Variants in XKR6 observed in about 807,000 individuals in gnomAD.
XKR6 encodes the protein XK related 6.
XKR6 carries 22 observed loss-of-function variants against 56.7 expected under a neutral mutation model. The observed-to-expected ratio is 0.39, with a 90% CI of 0.28 to 0.55. The LOEUF (loss-of-function observed/expected upper bound fraction) is 0.55. XKR6 is among the 20% of genes least tolerant of loss of function. The pLI is 0.66. For missense variants in XKR6, 852 were observed against 889.0 expected (o/e 0.96, Z 0.53); for synonymous variants, 524 against 387.8 (o/e 1.35, Z -4.13).
chr8:11,058,706 G>C (rs1230978587), intron 1 of XKR6, among the ~76,000 whole-genome samples: 1 of 152,144 alleles, frequency 6.6e-6, no homozygotes, highest in Non-Finnish European at 1.5e-5. Flanking sequence ...GTCAAGTCGA[G>C]GGAGAGCATT....
chr8:11,195,022 CT>C, intron 1 of XKR6: 1 of 615,554 alleles, frequency 1.6e-6, no homozygotes, highest in East Asian at 2.9e-5. Context: ...AGAAATAAAT[CT>C]TTAGAGATGT....
At chr8:11,053,240 T>C (rs1055735255) in intron 1 of XKR6, among the ~76,000 whole-genome samples, 1 of 152,210 alleles carries the variant, frequency 6.6e-6, no homozygotes, top group Non-Finnish European at 1.5e-5. Context: ...TTAAAAAACA[T>C]AGATGGCAAG....
chr8:11,168,290 T>C (rs147759743), intron 1 of XKR6, among the ~76,000 whole-genome samples: 115 of 152,326 alleles, frequency 7.5e-4, no homozygotes, highest in African/African-American at 2.6e-3. Context: ...TTAATATCAA[T>C]ATGTTGTTGA....
chr8:11,053,059 A>G (rs1799595208), intron 1 of XKR6, among the ~76,000 whole-genome samples: 1 of 152,082 alleles, frequency 6.6e-6, no homozygotes, highest in African/African-American at 2.4e-5. Flanking sequence ...TGACCCCCCC[A>G]CGCGCCACCC....
chr8:10,945,300 A>G (rs1801502224), intron 1 of XKR6, among the ~76,000 whole-genome samples: 2 of 152,234 alleles, frequency 1.3e-5, no homozygotes, highest in South Asian at 4.1e-4. Flanking sequence ...CCTGGTCAAC[A>G]TGGTGAAACC....
At chr8:11,155,216 G>C (rs956165069) in intron 1 of XKR6, among the ~76,000 whole-genome samples, 7 of 152,168 alleles carry the variant, frequency 4.6e-5, no homozygotes, top group Admixed American at 4.6e-4. Flanking sequence ...AAGCCTTACT[G>C]TCTTGCTTCA....
intron 1 of XKR6, among the ~76,000 whole-genome samples, chr8:10,995,588 T>G (rs1268967709): frequency 6.7e-6 from 1 of 150,134 alleles, no homozygotes. Context: ...CTTGGGAAGC[T>G]GAGGTAGGAG....
At chr8:11,107,438 G>A (rs1405299192) in intron 1 of XKR6, among the ~76,000 whole-genome samples, 2 of 152,088 alleles carry the variant, frequency 1.3e-5, no homozygotes, top group African/African-American at 2.4e-5. Context: ...TCCTGCCTCG[G>A]CCTCCCAGAG....
intron 1 of XKR6, among the ~76,000 whole-genome samples, chr8:11,072,382 T>C (rs1800154897): frequency 6.7e-6 from 1 of 149,842 alleles, no homozygotes; most frequent in Admixed American, 6.6e-5. Flanking sequence ...ACCCCCTCTC[T>C]GTTTTGGTAA....
In XKR6 at chr8:11,084,219, C is replaced by T. The variant is rs563066939; in HGVS notation, c.764+116357G>A. 2.0e-5 allele frequency among the ~76,000 whole-genome samples: 3 copies of T among 152,366 alleles called. No homozygotes were observed. In the South Asian group the frequency reaches 6.2e-4, roughly 32 times the overall value. ...GCTTACTGACCTAATTAGGTTATGA[C>T]TTCAACCACTGATATCTACCAAACC... On this transcript the variant is annotated intron_variant, in intron 1 of 2. Coordinates refer to ENST00000416569, the MANE Select transcript of XKR6 (RefSeq NM_173683.4).
At chr8:11,023,333 G>A (rs1425340597) in intron 1 of XKR6, among the ~76,000 whole-genome samples, 1 of 152,216 alleles carries the variant, frequency 6.6e-6, no homozygotes, top group African/African-American at 2.4e-5. Flanking sequence ...GTCATCTGAG[G>A]CTGGTGGCTG....
At chr8:10,899,509 C>T (rs932015763) in intron 2 of XKR6, among the ~76,000 whole-genome samples, 21 of 152,372 alleles carry the variant, frequency 1.4e-4, no homozygotes, top group African/African-American at 5.0e-4. Flanking sequence ...CCAAGGCCAA[C>T]AAGATCCAGG....
intron 1 of XKR6, among the ~76,000 whole-genome samples, chr8:11,126,458 A>AT (rs879509590): frequency 3.0e-4 from 45 of 148,970 alleles, no homozygotes; most frequent in Middle Eastern, 3.4e-3. Context: ...CAGTTCTTGA[A>AT]TTTTTTTTTT....
intron 1 of XKR6, among the ~76,000 whole-genome samples, chr8:10,956,216 G>C (rs1403980890): frequency 6.6e-6 from 1 of 152,206 alleles, no homozygotes; most frequent in African/African-American, 2.4e-5. Flanking sequence ...GTTTTCTAGG[G>C]CTGATCTTCA....
intron 1 of XKR6, among the ~76,000 whole-genome samples, chr8:10,978,788 C>G (rs886819772): frequency 1.3e-5 from 2 of 152,228 alleles, no homozygotes; most frequent in African/African-American, 2.4e-5. Flanking sequence ...ACTCCTCCCC[C>G]CGTGCTGACG....
rs752115227 is a variant in XKR6 at position 11,200,727 on chromosome 8, G to C, written c.613C>G (p.Pro205Ala). 6.3e-7 allele frequency: 1 copy of C among 1,590,356 alleles called. No individual in the cohort carries two copies. The highest frequency in any genetic ancestry group is 8.5e-7 in the Non-Finnish European group (1 of 1,171,928). Residue 205 changes from proline to alanine, a missense_variant, in exon 1 of 3, where the codon CCC (proline) becomes GCC (alanine). This residue lies in a region of XKR6 where 417 missense variants were observed against 355.2 expected (regional missense o/e 1.17). Transcript: ENST00000416569. The surrounding 1 kb of genome is among the most constrained non-coding windows in gnomAD (Gnocchi z 6.4). ...TGGACGTAGCCGGCCCCCATCATGG[G>C]GGGGCCCCGGCTGGTGAGCCCCTCC... ...AVEGLTSRGP[P>A]MMGAGYVHGA...
chr8:10,937,002 A>G (rs2129122118), intron 1 of XKR6, among the ~76,000 whole-genome samples: 1 of 117,578 alleles, frequency 8.5e-6, no homozygotes, highest in Middle Eastern at 3.8e-3. Flanking sequence ...GTGTTTTCCA[A>G]CTTGGTTCCA....
chr8:11,135,740 G>A (rs1402309533), intron 1 of XKR6, among the ~76,000 whole-genome samples: 2 of 150,948 alleles, frequency 1.3e-5, no homozygotes, highest in Non-Finnish European at 3.0e-5. Context: ...ATTAAAGAAG[G>A]AAAAGGAGAA....
At chr8:11,004,549 C>G (rs2129144013) in intron 1 of XKR6, among the ~76,000 whole-genome samples, 1 of 152,232 alleles carries the variant, frequency 6.6e-6, no homozygotes, top group South Asian at 2.1e-4. Context: ...GGTTTATTAT[C>G]CTGATGTTTA....
Sources: allele counts gnomAD v4.1 joint callset (sites outside exome capture counted in the v4.1 genomes callset), GRCh38; gene constraint gnomAD v4.1.1; regional missense constraint gnomAD v4.1.1; non-coding constraint Gnocchi (gnomAD v3.1); transcripts MANE v1.5; gene names NCBI Gene and HGNC (gene_info 2026-07-23, HGNC 2026-07-21).